SOX5: variants seen among roughly 807,000 people sequenced by gnomAD.
SOX5 encodes the protein SRY-box transcription factor 5, also known as transcription factor SOX-5.
Under a neutral mutation model 92.0 loss-of-function variants are expected in SOX5, and 9 were observed. The ratio of observed to expected loss-of-function variants is 0.10; its 90% CI spans 0.06 to 0.17. SOX5 has a LOEUF of 0.17. Among genes scored for constraint, SOX5 ranks in the 10% least tolerant of loss-of-function variants. The probability of loss-of-function intolerance (pLI) is 1.00; values close to 1 mark genes in which losing one functional copy is unlikely to be tolerated. For synonymous variants in SOX5, 344 were observed against 336.3 expected (o/e 1.02, Z -0.25); for missense variants, 642 against 944.5 (o/e 0.68, Z 4.20).
At chr12:24,178,955 A>G (rs1475291399) in intron 4 of SOX5, among the ~76,000 whole-genome samples, 2 of 152,228 alleles carry the variant, frequency 1.3e-5, no homozygotes, top group Non-Finnish European at 2.9e-5. Flanking sequence ...ATTTCAGTAT[A>G]TATAACCATC....
chr12:23,685,720 A>G (rs989579301), intron 6 of SOX5, among the ~76,000 whole-genome samples: 2 of 151,688 alleles, frequency 1.3e-5, no homozygotes, highest in African/African-American at 2.4e-5. Context: ...TCTCCTTCTC[A>G]ATACCATGAT....
At chr12:24,527,426 C>T (rs1266922426) in intron 1 of SOX5, among the ~76,000 whole-genome samples, 1 of 152,182 alleles carries the variant, frequency 6.6e-6, no homozygotes, top group Non-Finnish European at 1.5e-5. Context: ...AAAGTTAAAA[C>T]TTGTTGTGCC....
chr12:23,779,814 T>TATATATATATACACACAC (rs777013504), intron 3 of SOX5, among the ~76,000 whole-genome samples: 12 of 110,810 alleles, frequency 1.1e-4, no homozygotes, highest in African/African-American at 3.7e-4. Flanking sequence ...TATATATATA[T>TATATATATATACACACAC]ACACACACAC....
chr12:23,534,662 C>T (rs2135852810), intron 14 of SOX5, 140 bp from the exon 15 acceptor site: 1 of 641,796 alleles, frequency 1.6e-6, no homozygotes, highest in East Asian at 2.8e-5. Context: ...TTTTCAAACT[C>T]CATCCTACTT....
chr12:23,922,400 T>C (rs1432421475), intron 1 of SOX5, among the ~76,000 whole-genome samples: 1 of 152,242 alleles, frequency 6.6e-6, no homozygotes, highest in African/African-American at 2.4e-5. Flanking sequence ...AGTGCTTATA[T>C]TTTTCTCCTT....
chr12:24,242,392 C>T (rs553853135), intron 3 of SOX5, among the ~76,000 whole-genome samples: 1 of 152,286 alleles, frequency 6.6e-6, no homozygotes, highest in Non-Finnish European at 1.5e-5. Flanking sequence ...CAGTTCTGTT[C>T]ATTTCCCCAC....
At chr12:24,544,876 GAAAA>G (rs1302946187) in intron 1 of SOX5, among the ~76,000 whole-genome samples, 1 of 152,086 alleles carries the variant, frequency 6.6e-6, no homozygotes, top group African/African-American at 2.4e-5. Context: ...GCAAAAAGAA[GAAAA>G]AGTCAACTGG....
intron 4 of SOX5, among the ~76,000 whole-genome samples, chr12:24,197,816 T>A (rs868291547): frequency 1.3e-4 from 20 of 152,080 alleles, no homozygotes; most frequent in Admixed American, 2.6e-4. Context: ...CATCCGCGTA[T>A]CCACTGTCAC....
At chr12:24,298,783 CAAAA>C (rs10657648) in intron 2 of SOX5, among the ~76,000 whole-genome samples, 4 of 96,732 alleles carry the variant, frequency 4.1e-5, no homozygotes, top group Non-Finnish European at 8.7e-5. Flanking sequence ...CCAGAGTAGT[CAAAA>C]AAAAAAAAAA....
rs573643178 is a variant in SOX5, at chr12:23,816,383, T to G, written c.481+29600A>C. 2.0e-5 allele frequency among the ~76,000 whole-genome samples: 3 copies of G among 152,118 alleles called. No homozygotes were observed. The East Asian group carries it at 5.8e-4, about 30-fold the overall frequency. The stretch of plus-strand genomic sequence containing the variant: ...CACCACGATGCCCGGCTAATTTTTT[T>G]GTATTTTTAGTAGAGATGGCGTTTC... On this transcript the variant is annotated intron_variant, in intron 3 of 14. Coordinates refer to ENST00000451604, the MANE Select transcript of SOX5 (RefSeq NM_006940.6).
chr12:24,334,948 T>C (rs1951729188), intron 2 of SOX5, among the ~76,000 whole-genome samples: 1 of 151,960 alleles, frequency 6.6e-6, no homozygotes, highest in African/African-American at 2.4e-5. Context: ...TGAAAATGTA[T>C]AAAATAATAA....
At chr12:23,921,354 T>C (rs1938205988) in intron 1 of SOX5, among the ~76,000 whole-genome samples, 1 of 151,584 alleles carries the variant, frequency 6.6e-6, no homozygotes, top group Non-Finnish European at 1.5e-5. Flanking sequence ...AAACTATTGC[T>C]CTAAGACCTC....
intron 4 of SOX5, among the ~76,000 whole-genome samples, chr12:24,181,029 T>C (rs536422502): frequency 3.9e-4 from 60 of 152,308 alleles, no homozygotes; most frequent in African/African-American, 1.4e-3. Flanking sequence ...TTGCTTCTTA[T>C]TGCATGGTTC....
At chr12:23,577,055 T>C (rs1311434447) in intron 9 of SOX5, among the ~76,000 whole-genome samples, 7 of 150,248 alleles carry the variant, frequency 4.7e-5, no homozygotes. Flanking sequence ...AAAAATTTAA[T>C]GCACAGTCCT....
chr12:24,080,164 G>A (rs77726786), intron 4 of SOX5, among the ~76,000 whole-genome samples: 5,752 of 151,976 alleles, frequency 0.038, 136 homozygotes, highest in Admixed American at 0.057. Flanking sequence ...CTGCATGTAA[G>A]ATAAAAATAT....
intron 4 of SOX5, 26 bp from the exon 5 acceptor site, chr12:23,741,065 G>A (rs774709328): frequency 6.6e-7 from 1 of 1,516,436 alleles, no homozygotes; most frequent in Non-Finnish European, 8.9e-7. Context: ...CAATAAAACA[G>A]ACAAAATAAA....
chr12:24,068,609 T>C (rs1462454483), intron 4 of SOX5, among the ~76,000 whole-genome samples: 3 of 150,758 alleles, frequency 2.0e-5, no homozygotes, highest in South Asian at 2.1e-4. Flanking sequence ...AGATCTCCTA[T>C]AGCTGATGTA....
intron 9 of SOX5, among the ~76,000 whole-genome samples, chr12:23,581,403 A>T (rs973130235): frequency 2.0e-5 from 3 of 152,096 alleles, no homozygotes; most frequent in African/African-American, 7.2e-5. Flanking sequence ...TCACATCTTT[A>T]TTCATTCTCA....
At chr12:24,067,473 A>AG (rs1255283391) in intron 4 of SOX5, among the ~76,000 whole-genome samples, 16 of 152,260 alleles carry the variant, frequency 1.1e-4, no homozygotes, top group Non-Finnish European at 1.9e-4. Context: ...GTCGGTGGGT[A>AG]GCAGTCCTAG....
Sources: gnomAD v4.1 joint callset for allele counts (sites outside exome capture counted in the v4.1 genomes callset) on GRCh38, gnomAD v4.1.1 for gene constraint, MANE v1.5 for transcripts, NCBI Gene and HGNC (gene_info 2026-07-23, HGNC 2026-07-21) for gene names.